PPP6R3: variants seen among roughly 807,000 people sequenced by gnomAD.
PPP6R3 encodes serine/threonine-protein phosphatase 6 regulatory subunit 3.
In PPP6R3, 38 loss-of-function variants were observed where a neutral mutation model predicts 110.7. That is an observed-to-expected ratio of 0.34 (90% CI 0.26 to 0.45). The LOEUF is 0.45. PPP6R3 is among the 20% of genes least tolerant of loss of function. PPP6R3 has a pLI of 1.00. For missense variants in PPP6R3, 870 were observed against 1,062.4 expected (o/e 0.82, Z 2.52); for synonymous variants, 369 against 373.5 (o/e 0.99, Z 0.14).
chr11:68,597,817 G>GAAA (rs10690649), intron 19 of PPP6R3, among the ~76,000 whole-genome samples: 1,465 of 119,382 alleles, frequency 0.012, 37 homozygotes, highest in African/African-American at 0.041. Context: ...TGTCTCTACT[G>GAAA]AAAAAAAAAA....
At chr11:68,533,262 G>A (rs1357531041) in intron 2 of PPP6R3, among the ~76,000 whole-genome samples, 1 of 152,050 alleles carries the variant, frequency 6.6e-6, no homozygotes, top group African/African-American at 2.4e-5. Flanking sequence ...TTGGCTAAAA[G>A]GTAAAATACA....
intron 19 of PPP6R3, 131 bp from the exon 20 acceptor site, chr11:68,600,210 C>T: frequency 9.8e-7 from 1 of 1,016,540 alleles, no homozygotes; most frequent in Non-Finnish European, 1.5e-6. Flanking sequence ...CTGTCCGCTC[C>T]TGCCCTCATT....
chr11:68,496,397 G>T (rs1197637245), intron 1 of PPP6R3, among the ~76,000 whole-genome samples: 4 of 151,946 alleles, frequency 2.6e-5, no homozygotes, highest in Admixed American at 1.3e-4. Flanking sequence ...GCTGGACGGG[G>T]ACTCATGGAT....
intron 1 of PPP6R3, among the ~76,000 whole-genome samples, chr11:68,511,253 G>GA (rs1310790219): frequency 6.6e-6 from 1 of 151,872 alleles, no homozygotes; most frequent in Non-Finnish European, 1.5e-5. Context: ...TTTTAGTAGA[G>GA]ACGGGGTTTC....
chr11:68,562,567 A>T (rs1343837519), intron 8 of PPP6R3, among the ~76,000 whole-genome samples: 1 of 152,228 alleles, frequency 6.6e-6, no homozygotes, highest in Non-Finnish European at 1.5e-5. Context: ...AAGAATAGAC[A>T]TACAGATCAC....
At chr11:68,612,093 A>G (rs1288763959) in intron 23 of PPP6R3, among the ~76,000 whole-genome samples, 1 of 152,164 alleles carries the variant, frequency 6.6e-6, no homozygotes, top group Non-Finnish European at 1.5e-5. Context: ...TACAGAGGAG[A>G]AAACAGAACT....
intron 1 of PPP6R3, among the ~76,000 whole-genome samples, chr11:68,471,150 G>C (rs2098788669): frequency 6.6e-6 from 1 of 151,910 alleles, no homozygotes. Context: ...CCGGCTTAGT[G>C]GTGGGTGCCT....
In PPP6R3 at chr11:68,594,204, A is replaced by G. The variant is rs575159106; in HGVS notation, c.1917-1893A>G. Among the ~76,000 whole-genome samples, 144 of 152,142 alleles carry G rather than the reference A, an allele frequency of 9.5e-4. 2 individuals carry two copies. In the South Asian group the frequency reaches 0.028, roughly 30 times the overall value. The stretch of plus-strand genomic sequence containing the variant: ...GAGGACATAGCAACTTTAAATGTTT[A>G]CACAACCTAATAACTGCATTCTAGC... On this transcript the variant is annotated intron_variant, in intron 18 of 23. Coordinates refer to ENST00000393800, the MANE Select transcript of PPP6R3 (RefSeq NM_001164161.2).
At chr11:68,519,065 G>A (rs531820655) in intron 1 of PPP6R3, among the ~76,000 whole-genome samples, 1 of 152,296 alleles carries the variant, frequency 6.6e-6, no homozygotes, top group African/African-American at 2.4e-5. Context: ...TTCTACTCAC[G>A]CTTCCTGATA....
rs115202213 is a variant in PPP6R3 at position 68,607,299 on chromosome 11, G to A, written c.2451-2605G>A. On this transcript the variant is annotated intron_variant, in intron 22 of 23. Coordinates refer to ENST00000393800, the MANE Select transcript of PPP6R3 (RefSeq NM_001164161.2). ...TGATTGGAACAGTTTTGATATTAGT[G>A]TCCAAACAGGTACAGGTGTCAGTGT... Among the ~76,000 whole-genome samples, 1,468 of 152,318 alleles carry A rather than the reference G, an allele frequency of 9.6e-3. 26 individuals are homozygous for A. Among genetic ancestry groups the A allele is most frequent in the African/African-American group, 0.032 (1,350 of 41,560 alleles).
intron 7 of PPP6R3, among the ~76,000 whole-genome samples, chr11:68,556,501 G>C (rs1458073811): frequency 6.7e-6 from 1 of 148,322 alleles, no homozygotes; most frequent in Admixed American, 6.7e-5. Flanking sequence ...CCATTCACTT[G>C]AGCCAGTTGG....
chr11:68,496,853 CTTTTTTTTTTTTTTTTT>C (rs1157617908), intron 1 of PPP6R3, among the ~76,000 whole-genome samples: 1 of 61,274 alleles, frequency 1.6e-5, no homozygotes, highest in East Asian at 5.3e-4. Context: ...ATATTCTTGT[CTTTTTTTTTTTTTTTTT>C]TTTTTTTTTG....
At position 68,573,117 on chromosome 11, in the gene PPP6R3, TA is replaced by T. The variant is rs1565932941; in HGVS notation, c.1344-991del. 8.5e-4 allele frequency among the ~76,000 whole-genome samples: 20 copies of T among 23,644 alleles called. 1 individual carries two copies. In the East Asian group the frequency reaches 0.013, roughly 16 times the overall value. The allele number at this position is 23,644 out of a possible 152,430, so 15.5% of individuals were successfully genotyped here. A position where few individuals can be genotyped will look rare whatever the true frequency, so the allele number is the denominator to read the frequency against. On this transcript the variant is annotated intron_variant, in intron 12 of 23. Transcript: ENST00000393800. ...GATTAATATGAGTTTACTTATTTTA[TA>T]TATATATATATATATATATATATAT...
intron 2 of PPP6R3, among the ~76,000 whole-genome samples, chr11:68,521,275 G>A (rs1010389368): frequency 2.0e-5 from 3 of 152,142 alleles, no homozygotes; most frequent in Non-Finnish European, 4.4e-5. Context: ...TGAGCAAACA[G>A]CTGTAACTTC....
chr11:68,586,115 T>A (rs549377172), intron 15 of PPP6R3, among the ~76,000 whole-genome samples: 19 of 151,678 alleles, frequency 1.3e-4, no homozygotes, highest in Admixed American at 2.6e-4. Flanking sequence ...TTAAAAAAAA[T>A]TTTTTTTTGG....
At chr11:68,474,935 A>G (rs1193714640) in intron 1 of PPP6R3, among the ~76,000 whole-genome samples, 2 of 148,642 alleles carry the variant, frequency 1.3e-5, no homozygotes. Flanking sequence ...TATTTTTTTC[A>G]TTGATCATTC....
intron 23 of PPP6R3, among the ~76,000 whole-genome samples, chr11:68,611,720 G>T (rs1282509099): frequency 6.6e-6 from 1 of 152,198 alleles, no homozygotes; most frequent in Non-Finnish European, 1.5e-5. Context: ...CATGTGAGCT[G>T]GGGTGCGGGG....
At chr11:68,482,210 A>G (rs2098918629) in intron 1 of PPP6R3, among the ~76,000 whole-genome samples, 1 of 136,090 alleles carries the variant, frequency 7.3e-6, no homozygotes, top group Non-Finnish European at 1.6e-5. Context: ...ACATGGTGAA[A>G]CCCCATCTCT....
intron 9 of PPP6R3, among the ~76,000 whole-genome samples, chr11:68,566,011 C>G (rs1012201914): frequency 1.3e-5 from 2 of 152,050 alleles, no homozygotes; most frequent in Non-Finnish European, 2.9e-5. Context: ...TACGTGCCAC[C>G]CTTGCCTCTC....
Sources: gnomAD v4.1 joint callset for allele counts (sites outside exome capture counted in the v4.1 genomes callset) on GRCh38, gnomAD v4.1.1 for gene constraint, MANE v1.5 for transcripts, NCBI Gene and HGNC (gene_info 2026-07-23, HGNC 2026-07-21) for gene names.